ELFN1: variants seen among roughly 807,000 people sequenced by gnomAD.
ELFN1 encodes protein ELFN1.
Under a neutral mutation model 7.6 loss-of-function variants are expected in ELFN1, and 6 were observed. The ratio of observed to expected loss-of-function variants is 0.79; its 90% CI spans 0.43 to 1.56. The LOEUF (loss-of-function observed/expected upper bound fraction) is 1.56. ELFN1 is among the 40% of genes most tolerant of loss of function. The pLI is 0.01. For synonymous variants in ELFN1, 657 were observed against 588.1 expected (o/e 1.12, Z -1.70); for missense variants, 1,169 against 1,232.2 (o/e 0.95, Z 0.77).
rs1207007423 is a variant in ELFN1, at chr7:1,745,342, T to C, written c.746T>C (p.Val249Ala). 6.5e-7 allele frequency: 1 copy of C among 1,539,916 alleles called. No individual in the cohort carries two copies. The highest frequency in any genetic ancestry group is 1.4e-5 in the African/African-American group (1 of 73,148). The change falls in exon 4 of 4, where the codon GTC (valine) becomes GCC (alanine). Residue 249 changes from valine to alanine, a missense_variant. Transcript: ENST00000424383. ...AGCATCCTCAGCAAACTGCAGTCAG[T>C]CTGCACCGAGGACTCGTACGCGGCT... ...HRSILSKLQS[V>A]CTEDSYAAEV...
chr7:1,668,640 CACAG>C (rs1778706880), upstream of ELFN1, among the ~76,000 whole-genome samples: 1 of 152,226 alleles, frequency 6.6e-6, no homozygotes, highest in Non-Finnish European at 1.5e-5. Context: ...GGGGAGACCT[CACAG>C]ACAGGCAGGG....
intron 3 of ELFN1, among the ~76,000 whole-genome samples, chr7:1,718,440 G>C (rs571711557): frequency 5.3e-5 from 8 of 152,276 alleles, no homozygotes; most frequent in African/African-American, 1.7e-4. Context: ...AGCATTGGGG[G>C]TGACTGACCT....
chr7:1,710,833 A>C (rs1779633370), intron 3 of ELFN1, among the ~76,000 whole-genome samples: 1 of 152,186 alleles, frequency 6.6e-6, no homozygotes, highest in Non-Finnish European at 1.5e-5. Context: ...ATTGCCTAGA[A>C]TATTAGGGCT....
intron 3 of ELFN1, among the ~76,000 whole-genome samples, chr7:1,744,045 C>T (rs775325108): frequency 3.9e-5 from 6 of 152,294 alleles, no homozygotes; most frequent in African/African-American, 1.4e-4. Context: ...GATGAGGAAA[C>T]TGAGGCCGAG....
chr7:1,689,076 G>T (rs565815773), intron 2 of ELFN1, among the ~76,000 whole-genome samples: 41 of 152,330 alleles, frequency 2.7e-4, no homozygotes, highest in Non-Finnish European at 5.1e-4. Flanking sequence ...TCAGTCTGCT[G>T]TGTAAATGGA....
chr7:1,705,088 A>G lies in ELFN1; in HGVS notation c.-455-4003A>G, dbSNP rs1436214823. Among the ~76,000 whole-genome samples, 1 of 152,068 alleles carries G rather than the reference A, an allele frequency of 6.6e-6. No individual in the cohort carries two copies. Among genetic ancestry groups the G allele is most frequent in the Non-Finnish European group, 1.5e-5 (1 of 68,000 alleles). ...GGGTGGGGGGCGCGTACTGGAGAAC[A>G]GAGGGACACCCAGTGGCCAAAGGGC... On this transcript the variant is annotated intron_variant, in intron 2 of 3. Transcript: ENST00000424383. This position sits in a 1 kb window ranked among gnomAD's most constrained non-coding sequence, Gnocchi z 4.3.
chr7:1,672,712 C>A (rs996563953), intron 1 of ELFN1, among the ~76,000 whole-genome samples: 1 of 151,994 alleles, frequency 6.6e-6, no homozygotes, highest in Non-Finnish European at 1.5e-5. Flanking sequence ...AGGTCAGAGC[C>A]CCCACCCCAG....
chr7:1,696,145 C>T (rs936472071), intron 2 of ELFN1, among the ~76,000 whole-genome samples: 2 of 151,704 alleles, frequency 1.3e-5, no homozygotes, highest in Admixed American at 1.3e-4. Context: ...ACCTTCTCAC[C>T]GTGTCCTCCC....
intron 3 of ELFN1, among the ~76,000 whole-genome samples, chr7:1,721,222 T>A (rs554890302): frequency 6.6e-6 from 1 of 152,192 alleles, no homozygotes; most frequent in African/African-American, 2.4e-5. Context: ...GGCTGATCAC[T>A]CACTCACCCT....
At chr7:1,676,510 A>G (rs1488132548) in intron 1 of ELFN1, among the ~76,000 whole-genome samples, 1 of 152,200 alleles carries the variant, frequency 6.6e-6, no homozygotes, top group Non-Finnish European at 1.5e-5. Flanking sequence ...TGGGGAGTGT[A>G]AATGGCTGAC....
chr7:1,682,339 A>G (rs537107931), intron 1 of ELFN1, among the ~76,000 whole-genome samples: 1 of 152,344 alleles, frequency 6.6e-6, no homozygotes, highest in South Asian at 2.1e-4. Flanking sequence ...GAAAAAGACT[A>G]TCTTTTCTGC....
chr7:1,703,292 A>G (rs1779465357), intron 2 of ELFN1, among the ~76,000 whole-genome samples: 1 of 152,216 alleles, frequency 6.6e-6, no homozygotes, highest in African/African-American at 2.4e-5. Context: ...GTTATCATTT[A>G]TCTGTCACAT....
At chr7:1,698,898 C>G (rs753875614) in intron 2 of ELFN1, among the ~76,000 whole-genome samples, 12 of 152,130 alleles carry the variant, frequency 7.9e-5, no homozygotes, top group Non-Finnish European at 1.3e-4. Context: ...CAAAACCAGC[C>G]CCCCGTGTCA....
intron 2 of ELFN1, chr7:1,692,336 T>C (rs1779184508): frequency 6.5e-6 from 1 of 152,684 alleles, no homozygotes. Context: ...CGCTGTGGAG[T>C]CTGGGCTGAG....
rs910412570 is a variant in ELFN1, at chr7:1,705,391, C to T, written c.-455-3700C>T. Among the ~76,000 whole-genome samples, 3 of 152,270 alleles carry T rather than the reference C, an allele frequency of 2.0e-5. No individual in the cohort carries two copies. Among genetic ancestry groups the T allele is most frequent in the African/African-American group, 7.2e-5 (3 of 41,472 alleles). On this transcript the variant is annotated intron_variant, in intron 2 of 3. Coordinates refer to ENST00000424383, the MANE Select transcript of ELFN1 (RefSeq NM_001128636.4). This position sits in a 1 kb window ranked among gnomAD's most constrained non-coding sequence, Gnocchi z 4.3. ...TGGGCGCCTTCATTTTTCCAACCCT[C>T]TCACCCGGACATTTGCAAGTTGATG...
rs968555410 is a variant in ELFN1, at chr7:1,745,237, C to T, written c.641C>T (p.Thr214Met). The change falls in exon 4 of 4, where the codon ACG becomes ATG. Residue 214 changes from threonine to methionine, a missense_variant. By Grantham distance (81) the Thr-to-Met change is moderately conservative (BLOSUM62 -1). Coordinates refer to ENST00000424383, the MANE Select transcript of ELFN1 (RefSeq NM_001128636.4). ...GCCGCCTTCACCAACGCCACACAGA[C>T]GTACGACCGCATGCAGTGCGAGTCG... ...WLAAFTNATQTYDRMQCESPP... is the reference protein window; with the variant it reads ...WLAAFTNATQMYDRMQCESPP... 2.5e-5 allele frequency: 39 copies of T among 1,540,868 alleles called. No homozygotes were observed. Among genetic ancestry groups the T allele is most frequent in the Middle Eastern group, 3.3e-4 (2 of 6,014 alleles).
chr7:1,738,968 C>T (rs12699191), intron 3 of ELFN1: 6,499 of 152,094 alleles, frequency 0.043, 157 homozygotes, highest in Middle Eastern at 0.075. Flanking sequence ...TGCTGCGTCT[C>T]GGAGTGAATG....
chr7:1,672,388 C>A (rs1443997406), intron 1 of ELFN1, among the ~76,000 whole-genome samples: 2 of 152,210 alleles, frequency 1.3e-5, no homozygotes, highest in Non-Finnish European at 2.9e-5. Flanking sequence ...CGGTCCCCAC[C>A]AAGAAACAGG....
chr7:1,674,074 C>G (rs1038682559), intron 1 of ELFN1, among the ~76,000 whole-genome samples: 3 of 151,918 alleles, frequency 2.0e-5, no homozygotes, highest in Non-Finnish European at 2.9e-5. Flanking sequence ...CTGCTCTGCT[C>G]CCTGCTCCGG....
Sources: gnomAD v4.1 joint callset for allele counts (sites outside exome capture counted in the v4.1 genomes callset) on GRCh38, gnomAD v4.1.1 for gene constraint, Gnocchi (gnomAD v3.1) non-coding constraint, MANE v1.5 for transcripts, NCBI Gene and HGNC (gene_info 2026-07-23, HGNC 2026-07-21) for gene names.